MPP7: variants seen among roughly 807,000 people sequenced by gnomAD.
MPP7 encodes the protein MAGUK p55 scaffold protein 7.
A neutral mutation model predicts 76.5 loss-of-function variants in MPP7; 60 were observed. The observed-to-expected ratio is 0.78, with a 90% CI of 0.64 to 0.97. The LOEUF is 0.97. Among genes scored for constraint, MPP7 ranks in the 50% least tolerant of loss-of-function variants. The pLI is 0.00. For synonymous variants in MPP7, 237 were observed against 244.5 expected, an observed-to-expected ratio of 0.97 and a Z score of 0.29; for missense variants, 641 against 694.0, an observed-to-expected ratio of 0.92 and a Z score of 0.86.
At chr10:28,292,008 G>A (rs960153117) in intron 1 of MPP7, among the ~76,000 whole-genome samples, 5 of 152,304 alleles carry the variant, frequency 3.3e-5, no homozygotes, top group East Asian at 1.9e-4. Context: ...CCAGACACAT[G>A]TAACGTGTCC....
At chr10:28,200,427 T>C (rs762046206) in intron 3 of MPP7, among the ~76,000 whole-genome samples, 10 of 152,232 alleles carry the variant, frequency 6.6e-5, no homozygotes, top group Admixed American at 2.0e-4. Context: ...ACTAGCAACA[T>C]GAGTTTATTC....
Position 28,089,679 on chromosome 10 carries a change from A to G in MPP7, c.1115T>C (p.Val372Ala). 1.2e-6 allele frequency: 2 copies of G among 1,611,672 alleles called. No individual in the cohort carries two copies. The highest frequency in any genetic ancestry group is 1.7e-6 in the Non-Finnish European group (2 of 1,179,132). ...RQTNEKYRLVVLVGPVGVGLN... is the reference protein window; with the variant it reads ...RQTNEKYRLVALVGPVGVGLN... Reference sequence around the variant, plus strand: ...CAGAAACAAGCACTTACCAACCAAGACAACGAGTCTGTATTTTTCATTAGT... The same window carrying G: ...CAGAAACAAGCACTTACCAACCAAGGCAACGAGTCTGTATTTTTCATTAGT... Residue 372 changes from valine to alanine, a missense_variant, in exon 12 of 17, where the codon GTC becomes GCC. Physicochemically the swap from Val to Ala is moderately conservative, Grantham distance 64. Transcript: ENST00000683449.
At chr10:28,088,153 T>C (rs973128423) in intron 12 of MPP7, among the ~76,000 whole-genome samples, 99 of 152,176 alleles carry the variant, frequency 6.5e-4, no homozygotes, top group Non-Finnish European at 2.2e-4. Context: ...CAGCATGGGT[T>C]GTAACCTTTC....
At chr10:28,215,310 A>G (rs1023473174) in intron 2 of MPP7, among the ~76,000 whole-genome samples, 3 of 150,614 alleles carry the variant, frequency 2.0e-5, no homozygotes, top group Non-Finnish European at 3.0e-5. Context: ...TGGGCAAGGG[A>G]ACCCATTGGG....
intron 3 of MPP7, among the ~76,000 whole-genome samples, chr10:28,162,247 C>T (rs982908184): frequency 2.0e-5 from 3 of 152,120 alleles, no homozygotes; most frequent in Non-Finnish European, 4.4e-5. Flanking sequence ...CTTGAAAACA[C>T]AGAACAAGGC....
chr10:28,271,952 G>T (rs1054828556), intron 1 of MPP7, among the ~76,000 whole-genome samples: 9 of 152,132 alleles, frequency 5.9e-5, no homozygotes, highest in Admixed American at 5.9e-4. Flanking sequence ...TCCAGCCCGG[G>T]TGACAGAGCG....
rs1303267673 is a variant in MPP7, at chr10:28,202,147, G to C, written c.156+6C>G. Reference sequence around the variant, plus strand: ...GCAAAGAGAATCTGACATCAGCATGGTTTACCTTTACCAATGAATGCAGGC... The same window carrying C: ...GCAAAGAGAATCTGACATCAGCATGCTTTACCTTTACCAATGAATGCAGGC... On this transcript the variant is annotated splice_donor_region_variant and intron_variant, in intron 3 of 16. Transcript: ENST00000683449. 3 of 1,587,902 alleles carry C rather than the reference G, an allele frequency of 1.9e-6. No homozygotes were observed. The South Asian group carries it at 3.3e-5, about 18-fold the overall frequency.
chr10:28,148,890 T>C (rs1016665498), intron 4 of MPP7, among the ~76,000 whole-genome samples: 2 of 152,214 alleles, frequency 1.3e-5, no homozygotes, highest in African/African-American at 4.8e-5. Context: ...AACTGATTTT[T>C]TAAGGCTTTC....
chr10:28,236,956 G>A (rs984303229), intron 2 of MPP7: 5 of 152,146 alleles, frequency 3.3e-5, no homozygotes, highest in African/African-American at 1.2e-4. Flanking sequence ...GGGACATAAG[G>A]TCAGAAAACA....
intron 1 of MPP7, among the ~76,000 whole-genome samples, chr10:28,264,410 G>A (rs960602984): frequency 6.6e-6 from 1 of 152,056 alleles, no homozygotes; most frequent in African/African-American, 2.4e-5. Flanking sequence ...GAAATCTAGT[G>A]CCCAGCCCTG....
intron 13 of MPP7, among the ~76,000 whole-genome samples, chr10:28,060,297 T>C (rs534853531): frequency 6.6e-6 from 1 of 152,338 alleles, no homozygotes; most frequent in South Asian, 2.1e-4. Context: ...ACTATTGAAC[T>C]TCTAACCTTT....
intron 3 of MPP7, among the ~76,000 whole-genome samples, chr10:28,178,717 G>A (rs1836958052): frequency 6.6e-6 from 1 of 151,958 alleles, no homozygotes; most frequent in Non-Finnish European, 1.5e-5. Flanking sequence ...AGAGAAACAA[G>A]GTACTTAGAA....
At chr10:28,118,721 T>G in intron 11 of MPP7, 1 of 985,460 alleles carries the variant, frequency 1.0e-6, no homozygotes, top group Non-Finnish European at 1.2e-6. Context: ...TGCTCCACTT[T>G]AAGCATTTGC....
intron 3 of MPP7, among the ~76,000 whole-genome samples, chr10:28,174,045 C>T (rs188745584): frequency 1.3e-5 from 2 of 152,272 alleles, no homozygotes; most frequent in Non-Finnish European, 2.9e-5. Flanking sequence ...CCTCATTAGT[C>T]ATCTGGGGAT....
intron 3 of MPP7, among the ~76,000 whole-genome samples, chr10:28,161,334 G>A (rs1047271449): frequency 2.6e-5 from 4 of 151,796 alleles, no homozygotes; most frequent in African/African-American, 7.3e-5. Flanking sequence ...AAAAAACAGC[G>A]TTCCCCACCC....
At chr10:28,275,490 T>G (rs1840465994) in intron 1 of MPP7, among the ~76,000 whole-genome samples, 1 of 150,860 alleles carries the variant, frequency 6.6e-6, no homozygotes, top group African/African-American at 2.4e-5. Context: ...CACTGCAACC[T>G]CCGCCTCCTG....
At chr10:28,271,270 T>G (rs1352605672) in intron 1 of MPP7, among the ~76,000 whole-genome samples, 1 of 152,192 alleles carries the variant, frequency 6.6e-6, no homozygotes, top group African/African-American at 2.4e-5. Context: ...TGAAAAACAT[T>G]TGTTTTACTT....
chr10:28,208,831 C>T (rs1838033440), intron 2 of MPP7, among the ~76,000 whole-genome samples: 1 of 152,154 alleles, frequency 6.6e-6, no homozygotes, highest in Non-Finnish European at 1.5e-5. Context: ...ACATATGAGG[C>T]TGATATAGTT....
At chr10:28,313,063 C>T (rs1470493637) in intron 2 of MPP7, among the ~76,000 whole-genome samples, 1 of 152,184 alleles carries the variant, frequency 6.6e-6, no homozygotes, top group South Asian at 2.1e-4. Context: ...GGGACTCTTT[C>T]ACTTAATTGT....
Sources: gnomAD v4.1 joint callset for allele counts (sites outside exome capture counted in the v4.1 genomes callset) on GRCh38, gnomAD v4.1.1 for gene constraint, MANE v1.5 for transcripts, NCBI Gene and HGNC (gene_info 2026-07-23, HGNC 2026-07-21) for gene names.